Variants in OPCML observed in about 807,000 individuals in gnomAD.
OPCML encodes the protein opioid-binding protein/cell adhesion molecule.
OPCML carries 13 observed loss-of-function variants against 37.8 expected under a neutral mutation model. The ratio of observed to expected loss-of-function variants is 0.34; its 90% CI spans 0.22 to 0.55. The LOEUF (loss-of-function observed/expected upper bound fraction) is 0.55, where lower values mean the gene tolerates loss of function less well. Ranked by LOEUF, OPCML falls within the 20% of genes least tolerant of loss-of-function variation. The probability of loss-of-function intolerance (pLI) is 0.91; values close to 1 mark genes in which losing one functional copy is unlikely to be tolerated. For synonymous variants in OPCML, 176 were observed against 168.8 expected (o/e 1.04, Z -0.33); for missense variants, 341 against 435.6 (o/e 0.78, Z 1.93).
intron 4 of OPCML, among the ~76,000 whole-genome samples, chr11:132,452,531 G>A (rs2096071120): frequency 8.9e-6 from 1 of 112,814 alleles, no homozygotes; most frequent in African/African-American, 4.1e-5. Flanking sequence ...CCTTCTTTCA[G>A]CCTGCCTGCC....
chr11:132,571,111 G>A (rs1456043316), intron 3 of OPCML, among the ~76,000 whole-genome samples: 1 of 151,910 alleles, frequency 6.6e-6, no homozygotes, highest in Non-Finnish European at 1.5e-5. Flanking sequence ...GAGTCTTCTG[G>A]CTTTCATCGT....
At chr11:133,008,312 T>C in intron 1 of OPCML, 1 of 985,398 alleles carries the variant, frequency 1.0e-6, no homozygotes, top group African/African-American at 1.7e-5. Context: ...TACTGCCTGG[T>C]AAACAACTAA....
intron 1 of OPCML, among the ~76,000 whole-genome samples, chr11:133,228,818 C>T (rs1182929078): frequency 6.6e-6 from 1 of 152,254 alleles, no homozygotes; most frequent in Admixed American, 6.5e-5. Context: ...TATCCCTTCT[C>T]CTCTGCCCAA....
At chr11:132,809,903 G>A (rs1467158941) in intron 2 of OPCML, among the ~76,000 whole-genome samples, 1 of 152,090 alleles carries the variant, frequency 6.6e-6, no homozygotes, top group Non-Finnish European at 1.5e-5. Context: ...AGGCTGGAGT[G>A]CAGTGGCGCG....
chr11:132,422,852 C>G (rs1487293076), intron 7 of OPCML, among the ~76,000 whole-genome samples: 2 of 152,166 alleles, frequency 1.3e-5, no homozygotes, highest in African/African-American at 4.8e-5. Flanking sequence ...TTTCCAGGGA[C>G]CACAGTATCA....
chr11:133,127,368 A>T (rs973720255), intron 1 of OPCML, among the ~76,000 whole-genome samples: 2 of 152,120 alleles, frequency 1.3e-5, no homozygotes, highest in African/African-American at 4.8e-5. Flanking sequence ...ATGGAAGCTC[A>T]TGCTGGTCAT....
intron 2 of OPCML, among the ~76,000 whole-genome samples, chr11:132,733,634 G>A (rs1381428447): frequency 2.0e-5 from 3 of 152,192 alleles, no homozygotes. Context: ...CACAAATCCA[G>A]AATGTGTGAC....
At chr11:133,025,284 G>A (rs139772567) in intron 1 of OPCML, 56 of 964,454 alleles carry the variant, frequency 5.8e-5, no homozygotes, top group African/African-American at 1.6e-4. Flanking sequence ...GTATCTCCAC[G>A]TACTAGGACA....
intron 1 of OPCML, chr11:133,300,557 A>G (rs1190915109): frequency 6.6e-6 from 1 of 152,220 alleles, no homozygotes. Context: ...CCAAATCACA[A>G]TACTTCCTGA....
chr11:133,105,811 T>C (rs1169261417), intron 1 of OPCML, among the ~76,000 whole-genome samples: 2 of 152,056 alleles, frequency 1.3e-5, no homozygotes, highest in Non-Finnish European at 1.5e-5. Context: ...TGAAACCCCA[T>C]CTCTACTAAA....
At chr11:132,719,994 C>T (rs1242906720) in intron 2 of OPCML, among the ~76,000 whole-genome samples, 3 of 152,182 alleles carry the variant, frequency 2.0e-5, no homozygotes. Context: ...CTCCCTGGAT[C>T]CACCAAGGAC....
chr11:132,433,130 G>A (rs2096002812), intron 7 of OPCML, among the ~76,000 whole-genome samples: 2 of 152,244 alleles, frequency 1.3e-5, no homozygotes, highest in Middle Eastern at 6.8e-3. Flanking sequence ...AAGGGCACAG[G>A]GGACTTTGGA....
At chr11:133,216,959 G>A (rs1177545937) in intron 1 of OPCML, among the ~76,000 whole-genome samples, 1 of 152,130 alleles carries the variant, frequency 6.6e-6, no homozygotes, top group Admixed American at 6.5e-5. Flanking sequence ...TAAATATGAA[G>A]ATTGCCATAA....
intron 1 of OPCML, among the ~76,000 whole-genome samples, chr11:133,458,524 T>G (rs1284550077): frequency 1.1e-5 from 1 of 92,628 alleles, no homozygotes; most frequent in Non-Finnish European, 1.7e-5. Context: ...ATATATACAC[T>G]GTGTGTGTAT....
intron 2 of OPCML, among the ~76,000 whole-genome samples, chr11:132,669,186 T>G (rs1942352054): frequency 6.6e-6 from 1 of 151,968 alleles, no homozygotes; most frequent in Admixed American, 6.6e-5. Flanking sequence ...TTGGACAGCG[T>G]CAGTGTATAA....
chr11:133,025,246 A>G (rs1163927167), intron 1 of OPCML: 1 of 787,458 alleles, frequency 1.3e-6, no homozygotes, highest in African/African-American at 1.9e-5. Flanking sequence ...TTGTGCAAAT[A>G]TACACCATCT....
intron 2 of OPCML, among the ~76,000 whole-genome samples, chr11:132,752,536 A>G (rs978228189): frequency 6.6e-6 from 1 of 152,118 alleles, no homozygotes; most frequent in African/African-American, 2.4e-5. Flanking sequence ...CATAAGGAAA[A>G]TCCCCCACTA....
intron 1 of OPCML, among the ~76,000 whole-genome samples, chr11:133,055,555 T>C (rs1369838248): frequency 1.1e-3 from 98 of 87,194 alleles, no homozygotes; most frequent in Middle Eastern, 0.013. Flanking sequence ...ATGCTGCCTC[T>C]ATGATACTTC....
chr11:132,489,789 G>A (rs187501249), intron 4 of OPCML, among the ~76,000 whole-genome samples: 1 of 152,140 alleles, frequency 6.6e-6, no homozygotes, highest in Non-Finnish European at 1.5e-5. Flanking sequence ...AATCATCTAG[G>A]TTTTAAGCCC....
Sources: allele counts gnomAD v4.1 joint callset (sites outside exome capture counted in the v4.1 genomes callset), GRCh38; gene constraint gnomAD v4.1.1; transcripts MANE v1.5; gene names NCBI Gene and HGNC (gene_info 2026-07-23, HGNC 2026-07-21).